The following DPP10 variants were observed in gnomAD, a reference collection of about 807,000 sequenced individuals.
DPP10 encodes the protein inactive dipeptidyl peptidase 10.
A neutral mutation model predicts 120.9 loss-of-function variants in DPP10; 33 were observed. The observed-to-expected ratio is 0.27, with a 90% CI of 0.21 to 0.37. The LOEUF is 0.37. Among genes scored for constraint, DPP10 ranks in the 10% least tolerant of loss-of-function variants. The probability of loss-of-function intolerance (pLI) is 1.00; values close to 1 mark genes in which losing one functional copy is unlikely to be tolerated. For synonymous variants in DPP10, 337 were observed against 326.1 expected (o/e 1.03, Z -0.36); for missense variants, 816 against 942.8 (o/e 0.87, Z 1.76).
intron 19 of DPP10, among the ~76,000 whole-genome samples, chr2:115,802,148 T>C (rs1246260313): frequency 3.3e-5 from 5 of 152,226 alleles, no homozygotes; most frequent in African/African-American, 1.2e-4. Context: ...AACTTCTTCC[T>C]GGTTTAGTCT....
chr2:114,814,278 T>A (rs905395973), intron 1 of DPP10, among the ~76,000 whole-genome samples: 1 of 152,144 alleles, frequency 6.6e-6, no homozygotes, highest in Non-Finnish European at 1.5e-5. Context: ...GTATTCTCTT[T>A]GAAAAAGACA....
intron 5 of DPP10, among the ~76,000 whole-genome samples, chr2:115,677,631 T>C (rs1341037463): frequency 6.6e-6 from 1 of 152,194 alleles, no homozygotes; most frequent in African/African-American, 2.4e-5. Flanking sequence ...GCTATATTTA[T>C]ATCAGATAAA....
chr2:114,943,580 C>A (rs1407204126), intron 1 of DPP10, among the ~76,000 whole-genome samples: 1 of 152,034 alleles, frequency 6.6e-6, no homozygotes, highest in African/African-American at 2.4e-5. Flanking sequence ...CCATGTGCCA[C>A]ATTTTCTTTA....
rs573664697 is a variant in DPP10 at position 115,327,240 on chromosome 2, T to C, written c.176-16577T>C. On this transcript the variant is annotated intron_variant, in intron 2 of 25. Transcript: ENST00000410059. ...TATAGCATAGATATGCAGTAGACTT[T>C]AGCATCTGGGTTTGTGTAAGTACAT... is the stretch of plus-strand genomic sequence containing the variant. Among the ~76,000 whole-genome samples the C allele has an allele frequency of 3.3e-5, 5 of 152,188 alleles. No individual in the cohort carries two copies. In the South Asian group the frequency reaches 1.0e-3, roughly 32 times the overall value.
At position 115,814,939 on chromosome 2, in the gene DPP10, A is replaced by T; in HGVS notation, c.1847A>T (p.His616Leu). Residue 616 changes from histidine (H) to leucine (L), a missense_variant, in exon 20 of 26, where the codon CAT becomes CTT. Around this residue, in one of 3 missense-constraint regions of DPP10, gnomAD observed 592 missense variants for 649.0 expected, o/e 0.91. Transcript: ENST00000410059. Reference protein sequence around the residue: ...FQGLKILQEIHRRLGSVEVKD... With the variant: ...FQGLKILQEILRRLGSVEVKD... The stretch of plus-strand genomic sequence containing the variant: ...GGTCTGAAAATTTTGCAGGAGATTC[A>T]TCGAAGATTAGGTTCAGTAGAAGTA... 6.2e-7 allele frequency: 1 copy of T among 1,612,640 alleles called. No individual in the cohort carries two copies. Among genetic ancestry groups the T allele is most frequent in the Non-Finnish European group, 8.5e-7 (1 of 1,178,898 alleles).
intron 1 of DPP10, among the ~76,000 whole-genome samples, chr2:114,763,373 C>T (rs1227093894): frequency 2.6e-5 from 4 of 152,182 alleles, no homozygotes; most frequent in Admixed American, 6.5e-5. Context: ...TGGCCTTCAG[C>T]GGGCGCTAAC....
At chr2:115,496,747 A>G (rs1032468479) in intron 3 of DPP10, among the ~76,000 whole-genome samples, 13 of 152,136 alleles carry the variant, frequency 8.5e-5, no homozygotes, top group Non-Finnish European at 1.6e-4. Context: ...ATCCACTGCA[A>G]AAACCAGTTC....
intron 1 of DPP10, among the ~76,000 whole-genome samples, chr2:114,869,525 C>T (rs1459488357): frequency 6.6e-6 from 1 of 152,112 alleles, no homozygotes; most frequent in Non-Finnish European, 1.5e-5. Flanking sequence ...TCCACTGGCA[C>T]CATTTATACT....
intron 3 of DPP10, among the ~76,000 whole-genome samples, chr2:115,405,243 A>T (rs2068420382): frequency 6.6e-6 from 1 of 152,180 alleles, no homozygotes; most frequent in Non-Finnish European, 1.5e-5. Context: ...GAGAGGCAAA[A>T]AGAAAAATCA....
intron 1 of DPP10, among the ~76,000 whole-genome samples, chr2:114,941,010 C>T (rs1490541967): frequency 6.6e-6 from 1 of 152,092 alleles, no homozygotes; most frequent in East Asian, 1.9e-4. Flanking sequence ...CTGTAATACC[C>T]AGGGAAGGCC....
chr2:114,651,264 G>A (rs1696561563), intron 1 of DPP10, among the ~76,000 whole-genome samples: 1 of 152,160 alleles, frequency 6.6e-6, no homozygotes, highest in South Asian at 2.1e-4. Context: ...TGTTGTGTCT[G>A]GATCTGCCCA....
intron 5 of DPP10, among the ~76,000 whole-genome samples, chr2:115,648,604 C>A (rs2087480437): frequency 6.6e-6 from 1 of 150,608 alleles, no homozygotes; most frequent in Non-Finnish European, 1.5e-5. Flanking sequence ...CACATGTACC[C>A]CGGAACTTAA....
At chr2:114,979,081 G>C (rs1184062496) in intron 1 of DPP10, among the ~76,000 whole-genome samples, 1 of 152,006 alleles carries the variant, frequency 6.6e-6, no homozygotes, top group Non-Finnish European at 1.5e-5. Flanking sequence ...TAGTTTCATT[G>C]ATCTAACAGC....
At chr2:114,673,437 C>CT (rs1414972014) in intron 1 of DPP10, among the ~76,000 whole-genome samples, 2 of 151,758 alleles carry the variant, frequency 1.3e-5, no homozygotes, top group Non-Finnish European at 2.9e-5. Context: ...TTTTTCTTTT[C>CT]TTTTTTTATT....
chr2:115,250,022 T>G (rs371607462), intron 1 of DPP10, among the ~76,000 whole-genome samples: 20 of 152,314 alleles, frequency 1.3e-4, no homozygotes, highest in Admixed American at 2.6e-4. Flanking sequence ...TGCTCTTGGC[T>G]GTTCAATTCA....
chr2:115,591,388 C>T (rs182386424), intron 5 of DPP10, among the ~76,000 whole-genome samples: 179 of 152,270 alleles, frequency 1.2e-3, no homozygotes, highest in African/African-American at 4.0e-3. Context: ...GCCAGTTTTC[C>T]CAGCACCATT....
intron 1 of DPP10, among the ~76,000 whole-genome samples, chr2:114,683,106 C>G (rs937636927): frequency 6.6e-6 from 1 of 151,924 alleles, no homozygotes; most frequent in Non-Finnish European, 1.5e-5. Context: ...TGTATTTATT[C>G]TGTTTCCTTG....
In DPP10 at chr2:115,499,678, C is replaced by G. The variant is rs949559181; in HGVS notation, c.366+74C>G. ...AAGCTCTCTAGATGTACATAACTTT[C>G]TATTCTTCAGCTCCAGCATTTGTAA... On this transcript the variant is annotated intron_variant, in intron 4 of 25. Transcript: ENST00000410059. The G allele has an allele frequency of 5.7e-6, 6 of 1,059,544 alleles. No homozygotes were observed. In the African/African-American group the frequency reaches 9.8e-5, roughly 17 times the overall value. The allele number at this position is 1,059,544 out of a possible 1,614,324, so 65.6% of individuals were successfully genotyped here. A position where few individuals can be genotyped will look rare whatever the true frequency, so the allele number is the denominator to read the frequency against.
At chr2:114,938,747 T>G (rs78778334) in intron 1 of DPP10, among the ~76,000 whole-genome samples, 1 of 96,122 alleles carries the variant, frequency 1.0e-5, no homozygotes, top group Non-Finnish European at 2.3e-5. Flanking sequence ...TTTTTTTTTT[T>G]GGTCAGAGGA....
Sources: gnomAD v4.1 joint callset for allele counts (sites outside exome capture counted in the v4.1 genomes callset) on GRCh38, gnomAD v4.1.1 for gene constraint, gnomAD v4.1.1 regional missense constraint, MANE v1.5 for transcripts, NCBI Gene and HGNC (gene_info 2026-07-23, HGNC 2026-07-21) for gene names.